Variants in NELL1 observed in about 807,000 individuals in gnomAD.
NELL1 encodes protein kinase C-binding protein NELL1.
NELL1 carries 76 observed loss-of-function variants against 107.4 expected under a neutral mutation model. The ratio of observed to expected loss-of-function variants is 0.71; its 90% CI spans 0.59 to 0.86. The LOEUF (loss-of-function observed/expected upper bound fraction) is 0.86. Ranked by LOEUF, NELL1 falls within the 40% of genes least tolerant of loss-of-function variation. The pLI is 0.00. For missense variants in NELL1, 1,024 were observed against 1,005.5 expected, an observed-to-expected ratio of 1.02 and a Z score of -0.25; for synonymous variants, 353 against 341.2, an observed-to-expected ratio of 1.03 and a Z score of -0.38.
At chr11:21,057,506 T>G (rs1220611774) in intron 12 of NELL1, among the ~76,000 whole-genome samples, 1 of 152,052 alleles carries the variant, frequency 6.6e-6, no homozygotes, top group Non-Finnish European at 1.5e-5. Context: ...TCAATATATT[T>G]ATCTACCTAT....
chr11:20,743,352 TAA>T (rs984851074), intron 2 of NELL1, among the ~76,000 whole-genome samples: 8 of 146,856 alleles, frequency 5.4e-5, no homozygotes, highest in African/African-American at 2.0e-4. Context: ...GACTCTGTCT[TAA>T]AAAAAAAAAT....
At chr11:21,247,014 G>A (rs1858510338) in intron 14 of NELL1, among the ~76,000 whole-genome samples, 1 of 152,054 alleles carries the variant, frequency 6.6e-6, no homozygotes, top group Non-Finnish European at 1.5e-5. Context: ...ATTTGGGTGG[G>A]GACACAGCCA....
At chr11:20,904,078 T>C (rs1849937928) in intron 5 of NELL1, among the ~76,000 whole-genome samples, 1 of 152,142 alleles carries the variant, frequency 6.6e-6, no homozygotes. Context: ...TCTGGGACTA[T>C]GTGAAGAACT....
chr11:21,064,629 A>G (rs1052687578), intron 12 of NELL1, among the ~76,000 whole-genome samples: 1 of 152,140 alleles, frequency 6.6e-6, no homozygotes, highest in Non-Finnish European at 1.5e-5. Context: ...TTAGCATATT[A>G]TAAAAGTCAC....
intron 12 of NELL1, among the ~76,000 whole-genome samples, chr11:20,990,675 C>G (rs1435752205): frequency 6.6e-6 from 1 of 152,180 alleles, no homozygotes; most frequent in East Asian, 1.9e-4. Context: ...GTGACTCATA[C>G]CACATTATCC....
At chr11:20,995,011 A>G (rs916159848) in intron 12 of NELL1, among the ~76,000 whole-genome samples, 5 of 152,138 alleles carry the variant, frequency 3.3e-5, no homozygotes, top group African/African-American at 9.7e-5. Context: ...GCAACAGGAG[A>G]GATACCCTGG....
chr11:21,515,845 A>G (rs1054925800), intron 15 of NELL1, among the ~76,000 whole-genome samples: 19 of 152,184 alleles, frequency 1.2e-4, no homozygotes, highest in African/African-American at 4.6e-4. Context: ...AACTTTGCTC[A>G]CTACAAGTTG....
intron 16 of NELL1, among the ~76,000 whole-genome samples, chr11:21,558,770 AAAGT>A (rs1856781392): frequency 6.6e-6 from 1 of 152,116 alleles, no homozygotes; most frequent in Non-Finnish European, 1.5e-5. Context: ...ACTCAACTAA[AAAGT>A]AAGAGCTTGG....
intron 7 of NELL1, among the ~76,000 whole-genome samples, chr11:20,921,795 TG>T (rs751009050): frequency 1.6e-5 from 1 of 63,606 alleles, no homozygotes; most frequent in African/African-American, 4.6e-5. Context: ...TTTTATTGTG[TG>T]TGTTTTTTTT....
At chr11:20,739,090 A>G (rs1287401511) in intron 2 of NELL1, among the ~76,000 whole-genome samples, 1 of 152,252 alleles carries the variant, frequency 6.6e-6, no homozygotes, top group Non-Finnish European at 1.5e-5. Context: ...GCTACATTTC[A>G]AGTGCTCAGT....
At chr11:21,184,765 A>G (rs1188454305) in intron 13 of NELL1, among the ~76,000 whole-genome samples, 1 of 151,844 alleles carries the variant, frequency 6.6e-6, no homozygotes, top group Non-Finnish European at 1.5e-5. Context: ...GATTGAAGTG[A>G]AATCGTGTTT....
At chr11:20,705,737 A>C (rs1170903424) in intron 2 of NELL1, among the ~76,000 whole-genome samples, 1 of 148,664 alleles carries the variant, frequency 6.7e-6, no homozygotes, top group African/African-American at 2.5e-5. Context: ...CAACCTACAG[A>C]ATGGGAGAAA....
intron 13 of NELL1, among the ~76,000 whole-genome samples, chr11:21,177,136 A>C (rs1329482983): frequency 6.6e-6 from 1 of 151,812 alleles, no homozygotes; most frequent in Non-Finnish European, 1.5e-5. Context: ...TACTATTTTG[A>C]GGAATTTAGA....
intron 14 of NELL1, chr11:21,284,164 A>G (rs1311726550): frequency 4.5e-6 from 2 of 445,440 alleles, no homozygotes; most frequent in East Asian, 7.0e-5. Context: ...CCCTGCCACC[A>G]TCATACAAAT....
chr11:21,044,547 C>T (rs908647329), intron 12 of NELL1, among the ~76,000 whole-genome samples: 10 of 152,010 alleles, frequency 6.6e-5, no homozygotes, highest in African/African-American at 1.5e-4. Context: ...TTAAGATGAG[C>T]GATACCAGAG....
At chr11:21,402,409 C>G (rs940817603) in intron 15 of NELL1, among the ~76,000 whole-genome samples, 1 of 151,734 alleles carries the variant, frequency 6.6e-6, no homozygotes. Flanking sequence ...TTAGAGATGA[C>G]AATTTTGGCA....
At chr11:21,246,297 T>C (rs971161160) in intron 14 of NELL1, among the ~76,000 whole-genome samples, 4 of 151,888 alleles carry the variant, frequency 2.6e-5, no homozygotes, top group African/African-American at 7.3e-5. Flanking sequence ...TAGGCTAGAG[T>C]GGAGGTTAGA....
At chr11:21,346,607 T>A (rs1442001930) in intron 14 of NELL1, among the ~76,000 whole-genome samples, 1 of 148,060 alleles carries the variant, frequency 6.8e-6, no homozygotes, top group Admixed American at 6.8e-5. Context: ...TGTATGATAT[T>A]TGATATATAT....
chr11:21,140,320 A>C (rs1855838109), intron 13 of NELL1, among the ~76,000 whole-genome samples: 1 of 152,240 alleles, frequency 6.6e-6, no homozygotes, highest in South Asian at 2.1e-4. Context: ...TACAAAGCCT[A>C]ATACCTACCG....
Sources: allele counts gnomAD v4.1 joint callset (sites outside exome capture counted in the v4.1 genomes callset), GRCh38; gene constraint gnomAD v4.1.1; transcripts MANE v1.5; gene names NCBI Gene and HGNC (gene_info 2026-07-23, HGNC 2026-07-21).